Variants in STAM2 observed in about 807,000 individuals in gnomAD.
STAM2 encodes signal transducing adapter molecule 2.
STAM2 carries 51 observed loss-of-function variants against 65.6 expected under a neutral mutation model. The observed-to-expected ratio is 0.78, with a 90% confidence interval of 0.62 to 0.98. The LOEUF (loss-of-function observed/expected upper bound fraction) is 0.98. STAM2 is among the 50% of genes least tolerant of loss of function. The probability of loss-of-function intolerance (pLI) is 0.00; values close to 1 mark genes in which losing one functional copy is unlikely to be tolerated. For synonymous variants in STAM2, 198 were observed against 208.4 expected, an observed-to-expected ratio of 0.95 and a Z score of 0.43; for missense variants, 584 against 617.8, an observed-to-expected ratio of 0.95 and a Z score of 0.58.
rs1560216619 is a variant in STAM2 at position 152,144,909 on chromosome 2, CTTTG to C, written c.492_495del (p.Asn164LysfsTer6). ...TTACCTTTAGCTATGTCTTCATCCT[CTTTG>C]TTTTTGTTCGATGACGTACCATTCT... On this transcript the variant is annotated frameshift_variant, in exon 6 of 14. Coordinates refer to ENST00000263904, the MANE Select transcript of STAM2 (RefSeq NM_005843.6). LOFTEE classifies it high-confidence loss of function. 2.5e-6 allele frequency: 4 copies of C among 1,613,992 alleles called. No individual in the cohort carries two copies. The highest frequency in any genetic ancestry group is 1.1e-5 in the South Asian group (1 of 91,064).
intron 7 of STAM2, among the ~76,000 whole-genome samples, chr2:152,138,100 G>T (rs115124213): frequency 0.017 from 2,610 of 152,074 alleles, 66 homozygotes; most frequent in African/African-American, 0.06. Flanking sequence ...GTTCTCTGGG[G>T]AAAAAGTCCT....
Position 152,144,088 on chromosome 2 carries a change from T to C in STAM2, c.518-75A>G, listed in dbSNP as rs926478420. 105 of 1,356,350 alleles carry C rather than the reference T, an allele frequency of 7.7e-5. 1 individual carries two copies. Among genetic ancestry groups the C allele is most frequent in the Middle Eastern group, 7.6e-4 (3 of 3,940 alleles). 84.0% of individuals were successfully genotyped at this position (1,356,350 alleles called of 1,614,324 possible). ...ATAAACATTAGATGACAATGTAAAA[T>C]TTAATAAGAATAAATCAAGCATTTT... On this transcript the variant is annotated intron_variant, in intron 6 of 13. Transcript: ENST00000263904.
chr2:152,164,435 C>T (rs977372541), intron 1 of STAM2, among the ~76,000 whole-genome samples: 8 of 151,954 alleles, frequency 5.3e-5, no homozygotes, highest in South Asian at 4.2e-4. Context: ...CTCTGCCTCC[C>T]GAGTTCAAAC....
intron 1 of STAM2, among the ~76,000 whole-genome samples, chr2:152,153,406 A>T (rs555872911): frequency 2.2e-4 from 33 of 152,200 alleles, no homozygotes; most frequent in African/African-American, 7.7e-4. Flanking sequence ...TAATCAAAAG[A>T]AGCCAAAAAA....
chr2:152,163,103 A>G (rs543841511), intron 1 of STAM2, among the ~76,000 whole-genome samples: 5 of 152,176 alleles, frequency 3.3e-5, no homozygotes, highest in Non-Finnish European at 5.9e-5. Context: ...TTTTTGTTCA[A>G]AATTGCCAAA....
intron 1 of STAM2, among the ~76,000 whole-genome samples, chr2:152,173,115 T>C (rs766341325): frequency 5.3e-5 from 8 of 151,504 alleles, no homozygotes; most frequent in Non-Finnish European, 1.0e-4. Flanking sequence ...TCACAGTCTA[T>C]TTACTCATTT....
intron 1 of STAM2, among the ~76,000 whole-genome samples, chr2:152,167,901 CTG>C (rs1306481926): frequency 6.6e-6 from 1 of 151,604 alleles, no homozygotes; most frequent in African/African-American, 2.4e-5. Context: ...CTGAGTGAGG[CTG>C]TGTCTCAAAA....
chr2:152,137,736 T>A (rs966857836), intron 7 of STAM2, among the ~76,000 whole-genome samples: 4 of 152,116 alleles, frequency 2.6e-5, no homozygotes, highest in Non-Finnish European at 5.9e-5. Flanking sequence ...TTTTTTTATT[T>A]TTTTTTTCCC....
intron 7 of STAM2, among the ~76,000 whole-genome samples, chr2:152,142,086 C>T (rs1197842547): frequency 1.3e-5 from 2 of 152,166 alleles, no homozygotes; most frequent in Non-Finnish European, 2.9e-5. Flanking sequence ...TGTCTACCAG[C>T]GATTACCAAT....
intron 11 of STAM2, among the ~76,000 whole-genome samples, chr2:152,129,378 T>C (rs996716855): frequency 6.6e-6 from 1 of 152,232 alleles, no homozygotes; most frequent in Non-Finnish European, 1.5e-5. Flanking sequence ...CTCAAATTCC[T>C]GGGCTCAGAT....
intron 7 of STAM2, among the ~76,000 whole-genome samples, chr2:152,138,276 A>G (rs1222559922): frequency 6.6e-6 from 1 of 152,118 alleles, no homozygotes; most frequent in Non-Finnish European, 1.5e-5. Flanking sequence ...GCTTTCAAAT[A>G]ATTTTATAAT....
Position 152,132,174 on chromosome 2 carries a change from A to T in STAM2, c.971-6T>A, listed in dbSNP as rs201976597. 1 of 1,601,302 alleles carries T rather than the reference A, an allele frequency of 6.2e-7. No individual in the cohort carries two copies. Among genetic ancestry groups the T allele is most frequent in the Non-Finnish European group, 8.5e-7 (1 of 1,171,774 alleles). On this transcript the variant is annotated splice_polypyrimidine_tract_variant and splice_region_variant and intron_variant, in intron 10 of 13. Coordinates refer to ENST00000263904, the MANE Select transcript of STAM2 (RefSeq NM_005843.6). ...ACCCATCTGTTGGCAGATATCTGTA[A>T]ATACAAAAATACTTACAAATATAGA...
chr2:152,136,700 T>A (rs1689161663), intron 7 of STAM2, among the ~76,000 whole-genome samples: 1 of 152,086 alleles, frequency 6.6e-6, no homozygotes, highest in African/African-American at 2.4e-5. Flanking sequence ...TCCTTTTAAA[T>A]TAAAATTCCA....
At position 152,133,159 on chromosome 2, in the gene STAM2, T is replaced by C; in HGVS notation, c.970+14A>G. On this transcript the variant is annotated intron_variant, in intron 10 of 13. Coordinates refer to ENST00000263904, the MANE Select transcript of STAM2 (RefSeq NM_005843.6). ...TAAATAATATTAAAATAATATAAAA[T>C]ATTCACTAAGTACCTTCTAAATCCA... is the stretch of plus-strand genomic sequence containing the variant. The C allele has an allele frequency of 7.4e-7, 1 of 1,346,336 alleles. No individual in the cohort carries two copies. The highest frequency in any genetic ancestry group is 9.9e-7 in the Non-Finnish European group (1 of 1,013,408). 83.4% of individuals were successfully genotyped at this position (1,346,336 alleles called of 1,614,324 possible).
intron 13 of STAM2, among the ~76,000 whole-genome samples, chr2:152,121,035 C>G (rs1159696421): frequency 6.6e-6 from 1 of 152,074 alleles, no homozygotes; most frequent in Admixed American, 6.6e-5. Context: ...CAGATCATAG[C>G]TCACTGCATT....
At chr2:152,151,539 C>T (rs1292533633) in intron 1 of STAM2, among the ~76,000 whole-genome samples, 1 of 152,158 alleles carries the variant, frequency 6.6e-6, no homozygotes, top group African/African-American at 2.4e-5. Context: ...ATACAATTTA[C>T]ACATTTAAAA....
rs1055131182 is a variant in STAM2 at position 152,131,201 on chromosome 2, T to A, written c.1025+913A>T. Among the ~76,000 whole-genome samples, 3 of 152,100 alleles carry A rather than the reference T, an allele frequency of 2.0e-5. No homozygotes were observed. The East Asian group carries it at 5.8e-4, about 30-fold the overall frequency. ...CAGGCACAGTGGTTCATGCCTGTAA[T>A]TCCAGCACTTTGAGAGGCCAAGTTG... is the stretch of plus-strand genomic sequence containing the variant. On this transcript the variant is annotated intron_variant, in intron 11 of 13. Coordinates refer to ENST00000263904, the MANE Select transcript of STAM2 (RefSeq NM_005843.6).
At chr2:152,132,610 G>A (rs967506675) in intron 10 of STAM2, among the ~76,000 whole-genome samples, 1 of 152,032 alleles carries the variant, frequency 6.6e-6, no homozygotes, top group Admixed American at 6.5e-5. Flanking sequence ...ACAATAAAGA[G>A]CACAACGCTG....
intron 4 of STAM2, among the ~76,000 whole-genome samples, chr2:152,147,805 C>T (rs546871203): frequency 6.6e-6 from 1 of 152,016 alleles, no homozygotes; most frequent in Non-Finnish European, 1.5e-5. Context: ...ACTTACTAGC[C>T]CTCAAAAAGG....
Sources: gnomAD v4.1 joint callset for allele counts (sites outside exome capture counted in the v4.1 genomes callset) on GRCh38, gnomAD v4.1.1 for gene constraint, MANE v1.5 for transcripts, NCBI Gene and HGNC (gene_info 2026-07-23, HGNC 2026-07-21) for gene names.